KAZN: variants seen among roughly 807,000 people sequenced by gnomAD.
KAZN encodes kazrin, periplakin interacting protein.
KAZN carries 40 observed loss-of-function variants against 87.4 expected under a neutral mutation model. That is an observed-to-expected ratio of 0.46 (90% CI 0.36 to 0.60). KAZN has a LOEUF of 0.60. Among genes scored for constraint, KAZN ranks in the 20% least tolerant of loss-of-function variants. The pLI, the probability that KAZN is intolerant of heterozygous loss-of-function variation, is 0.00. For synonymous variants in KAZN, 466 were observed against 458.3 expected (o/e 1.02, Z -0.22); for missense variants, 898 against 1,073.9 (o/e 0.84, Z 2.29).
At chr1:14,724,271 G>A (rs889471602) in intron 1 of KAZN, among the ~76,000 whole-genome samples, 1 of 152,182 alleles carries the variant, frequency 6.6e-6, no homozygotes, top group Admixed American at 6.5e-5. Context: ...GAAACTGGCA[G>A]TGAATCTGCC....
intron 1 of KAZN, among the ~76,000 whole-genome samples, chr1:14,151,198 A>AG (rs929265182): frequency 2.3e-5 from 3 of 127,746 alleles, no homozygotes; most frequent in Non-Finnish European, 5.2e-5. Flanking sequence ...TCCAGATTGT[A>AG]GAAAAAAAAG....
intron 1 of KAZN, among the ~76,000 whole-genome samples, chr1:14,805,762 AAATAATAATAATAATAATAAT>A (rs146219963): frequency 6.3e-5 from 9 of 143,004 alleles, no homozygotes; most frequent in Admixed American, 4.2e-4. Context: ...CCCCATCTCA[AAATAATAATAATAATAATAAT>A]AATAATAATA....
At chr1:14,954,817 G>A (rs11582277) in intron 1 of KAZN, among the ~76,000 whole-genome samples, 9,464 of 152,168 alleles carry the variant, frequency 0.062, 965 homozygotes, top group African/African-American at 0.21. Context: ...TTAGCTGGGC[G>A]TGGTGGCAGG....
chr1:14,491,924 T>C (rs1442337469), intron 2 of KAZN, among the ~76,000 whole-genome samples: 1 of 152,200 alleles, frequency 6.6e-6, no homozygotes, highest in Admixed American at 6.5e-5. Context: ...TGCCTATCCC[T>C]CCCTTTTTAA....
intron 2 of KAZN, among the ~76,000 whole-genome samples, chr1:14,199,860 A>T (rs2100400495): frequency 6.6e-6 from 1 of 152,068 alleles, no homozygotes; most frequent in Middle Eastern, 3.4e-3. Context: ...ACCCACAGGG[A>T]TCTTGGGCTT....
intron 1 of KAZN, among the ~76,000 whole-genome samples, chr1:14,141,104 C>A (rs1645225519): frequency 6.6e-6 from 1 of 151,986 alleles, no homozygotes; most frequent in African/African-American, 2.4e-5. Flanking sequence ...CTGCCTAATT[C>A]TCCTGGCAAG....
chr1:14,921,269 T>C (rs1023054454), intron 1 of KAZN, among the ~76,000 whole-genome samples: 13 of 151,976 alleles, frequency 8.6e-5, no homozygotes, highest in Non-Finnish European at 1.6e-4. Context: ...ACGAAGCAGC[T>C]TGGATGACTG....
intron 2 of KAZN, among the ~76,000 whole-genome samples, chr1:14,282,776 A>G (rs1195563094): frequency 2.0e-5 from 3 of 152,146 alleles, no homozygotes; most frequent in African/African-American, 7.2e-5. Flanking sequence ...GGATACCTTC[A>G]CAGTTGGTGA....
At chr1:14,268,810 G>A (rs1651699258) in intron 2 of KAZN, among the ~76,000 whole-genome samples, 1 of 152,226 alleles carries the variant, frequency 6.6e-6, no homozygotes, top group Admixed American at 6.5e-5. Flanking sequence ...GCAAATCACA[G>A]CATTTTGGAA....
intron 1 of KAZN, among the ~76,000 whole-genome samples, chr1:13,920,969 G>A (rs894830380): frequency 2.6e-5 from 4 of 152,094 alleles, no homozygotes; most frequent in Admixed American, 6.6e-5. Flanking sequence ...AGAGGAATGT[G>A]CACATAGCAT....
At chr1:14,920,283 T>TTTG (rs1658357401) in intron 1 of KAZN, among the ~76,000 whole-genome samples, 1 of 146,080 alleles carries the variant, frequency 6.8e-6, no homozygotes, top group Non-Finnish European at 1.5e-5. Flanking sequence ...TCTGTTTTTT[T>TTTG]TTTTTTTTTT....
At chr1:14,056,788 A>G (rs536948348) in intron 1 of KAZN, among the ~76,000 whole-genome samples, 1 of 152,280 alleles carries the variant, frequency 6.6e-6, no homozygotes, top group Admixed American at 6.5e-5. Flanking sequence ...TTTTTTAGAC[A>G]TAGCAGGAGA....
At chr1:14,191,932 G>A (rs1646427505) in intron 2 of KAZN, among the ~76,000 whole-genome samples, 1 of 152,152 alleles carries the variant, frequency 6.6e-6, no homozygotes, top group Non-Finnish European at 1.5e-5. Context: ...TGCTAAAGGA[G>A]CCAATCTCCT....
chr1:14,644,163 C>G (rs375258363), intron 1 of KAZN, among the ~76,000 whole-genome samples: 8 of 151,658 alleles, frequency 5.3e-5, no homozygotes, highest in Non-Finnish European at 7.4e-5. Context: ...AGGTGCCCAC[C>G]ACCACGCCCA....
chr1:14,566,201 A>T (rs1203939380), intron 2 of KAZN, among the ~76,000 whole-genome samples: 1 of 152,236 alleles, frequency 6.6e-6, no homozygotes, highest in Non-Finnish European at 1.5e-5. Context: ...ATGCTGTGTT[A>T]GCAGGTATGA....
At chr1:14,106,055 A>G (rs1028142545) in intron 1 of KAZN, among the ~76,000 whole-genome samples, 9 of 152,224 alleles carry the variant, frequency 5.9e-5, no homozygotes, top group Non-Finnish European at 1.2e-4. Context: ...AATAACAGTA[A>G]CAACAACAAT....
intron 1 of KAZN, among the ~76,000 whole-genome samples, chr1:14,796,604 G>A (rs7525851): frequency 0.26 from 40,199 of 152,176 alleles, 5,824 homozygotes; most frequent in Middle Eastern, 0.35. Flanking sequence ...GTATAGACGT[G>A]CATGGTTCGG....
intron 2 of KAZN, among the ~76,000 whole-genome samples, chr1:14,980,988 A>T (rs1412188959): frequency 6.6e-6 from 1 of 151,984 alleles, no homozygotes; most frequent in African/African-American, 2.4e-5. Flanking sequence ...AACCGTCATT[A>T]CTCATCCCCA....
intron 1 of KAZN, among the ~76,000 whole-genome samples, chr1:14,916,599 A>G (rs1175460080): frequency 6.6e-6 from 1 of 152,140 alleles, no homozygotes; most frequent in Non-Finnish European, 1.5e-5. Flanking sequence ...GAAGGACTTT[A>G]TTATTTTGTT....
Sources: gnomAD v4.1 joint callset for allele counts (sites outside exome capture counted in the v4.1 genomes callset) on GRCh38, gnomAD v4.1.1 for gene constraint, MANE v1.5 for transcripts, NCBI Gene and HGNC (gene_info 2026-07-23, HGNC 2026-07-21) for gene names.